PDE1C: variants seen among roughly 807,000 people sequenced by gnomAD.
PDE1C encodes dual specificity calcium/calmodulin-dependent 3',5'-cyclic nucleotide phosphodiesterase 1C.
PDE1C carries 62 observed loss-of-function variants against 93.1 expected under a neutral mutation model. The observed-to-expected ratio is 0.67, with a 90% CI of 0.54 to 0.82. The LOEUF is 0.82. Ranked by LOEUF, PDE1C falls within the 40% of genes least tolerant of loss-of-function variation. The pLI is 0.00. For synonymous variants in PDE1C, 325 were observed against 310.1 expected, an observed-to-expected ratio of 1.05 and a Z score of -0.50; for missense variants, 742 against 884.6, an observed-to-expected ratio of 0.84 and a Z score of 2.04.
At chr7:32,379,363 C>T (rs892253182) in intron 1 of PDE1C, among the ~76,000 whole-genome samples, 5 of 152,206 alleles carry the variant, frequency 3.3e-5, no homozygotes, top group Non-Finnish European at 7.3e-5. Flanking sequence ...TGGTTCCTTC[C>T]TACCACTCAA....
At chr7:31,951,073 T>C (rs1343090056) in intron 2 of PDE1C, among the ~76,000 whole-genome samples, 3 of 152,170 alleles carry the variant, frequency 2.0e-5, no homozygotes, top group Admixed American at 6.5e-5. Context: ...GCCTTTTCTC[T>C]TGCGTGTACA....
intron 3 of PDE1C, among the ~76,000 whole-genome samples, chr7:32,101,966 G>A (rs1798063047): frequency 6.6e-6 from 1 of 152,126 alleles, no homozygotes; most frequent in African/African-American, 2.4e-5. Flanking sequence ...GAGAAAGAGA[G>A]AGATACCAGG....
intron 16 of PDE1C, among the ~76,000 whole-genome samples, chr7:31,794,093 T>G (rs13244931): frequency 7.5e-6 from 1 of 132,878 alleles, no homozygotes; most frequent in East Asian, 2.4e-4. Flanking sequence ...GACAGACAGA[T>G]AGATAGACAG....
chr7:32,212,342 C>G (rs935510375), intron 1 of PDE1C, among the ~76,000 whole-genome samples: 1 of 152,142 alleles, frequency 6.6e-6, no homozygotes, highest in African/African-American at 2.4e-5. Context: ...GAATTGCTGA[C>G]CCAGATCCAA....
chr7:32,115,107 T>C (rs1798913142), intron 3 of PDE1C, among the ~76,000 whole-genome samples: 1 of 152,108 alleles, frequency 6.6e-6, no homozygotes, highest in Admixed American at 6.6e-5. Flanking sequence ...AGCAATCCCA[T>C]TACTGGGTAT....
At chr7:31,715,911 C>T in the PDE1C span, among the ~76,000 whole-genome samples, 1 of 152,166 alleles carries the variant, frequency 6.6e-6, no homozygotes, top group Non-Finnish European at 1.5e-5. Context: ...CCTGTGCCTA[C>T]TTGTGCATAG....
At chr7:32,240,326 G>A (rs549595680) in intron 1 of PDE1C, among the ~76,000 whole-genome samples, 10 of 152,246 alleles carry the variant, frequency 6.6e-5, no homozygotes, top group African/African-American at 9.6e-5. Flanking sequence ...TTAACTGAGG[G>A]CTTACTATAT....
At chr7:31,617,045 C>A in the PDE1C span, among the ~76,000 whole-genome samples, 3 of 152,212 alleles carry the variant, frequency 2.0e-5, no homozygotes, top group African/African-American at 7.2e-5. Flanking sequence ...CTAGGCACCA[C>A]AGCATGGTGG....
intron 2 of PDE1C, among the ~76,000 whole-genome samples, chr7:31,888,888 C>T (rs1583806149): frequency 6.6e-6 from 1 of 151,906 alleles, no homozygotes; most frequent in East Asian, 1.9e-4. Flanking sequence ...CAGCAATAAA[C>T]AATTAGAAAA....
At chr7:32,142,698 G>C (rs1015248771) in intron 3 of PDE1C, among the ~76,000 whole-genome samples, 1 of 152,132 alleles carries the variant, frequency 6.6e-6, no homozygotes, top group Non-Finnish European at 1.5e-5. Context: ...TGGAAGCTAA[G>C]GCCTCTGAGA....
At chr7:31,979,432 G>A (rs971382972) in intron 2 of PDE1C, among the ~76,000 whole-genome samples, 8 of 152,218 alleles carry the variant, frequency 5.3e-5, no homozygotes, top group Admixed American at 2.6e-4. Context: ...AATGTGCTAC[G>A]TACTACTCTA....
At chr7:32,244,363 A>G (rs2128871427) in intron 1 of PDE1C, among the ~76,000 whole-genome samples, 1 of 152,346 alleles carries the variant, frequency 6.6e-6, no homozygotes. Context: ...CATGCAGCCA[A>G]AATCACACAT....
intron 2 of PDE1C, among the ~76,000 whole-genome samples, chr7:32,184,585 T>G (rs1027255490): frequency 9.9e-5 from 15 of 151,912 alleles, no homozygotes; most frequent in African/African-American, 3.6e-4. Context: ...CACTCATAGG[T>G]GAGAATTGAA....
the PDE1C span, among the ~76,000 whole-genome samples, chr7:31,633,059 G>A: frequency 1.3e-5 from 2 of 151,908 alleles, no homozygotes; most frequent in East Asian, 3.9e-4. Context: ...GCTAATTTTT[G>A]TATTTTTAGT....
chr7:31,653,968 G>T, the PDE1C span, among the ~76,000 whole-genome samples: 1 of 151,042 alleles, frequency 6.6e-6, no homozygotes, highest in African/African-American at 2.4e-5. Flanking sequence ...CCTACTGTGT[G>T]CAGGCTACTA....
chr7:31,920,361 G>A (rs1035288831), intron 2 of PDE1C, among the ~76,000 whole-genome samples: 1 of 152,040 alleles, frequency 6.6e-6, no homozygotes. Flanking sequence ...CATCCATTCT[G>A]CTCCTGTCTC....
At chr7:32,028,779 C>T (rs929734833) in intron 2 of PDE1C, among the ~76,000 whole-genome samples, 3 of 152,126 alleles carry the variant, frequency 2.0e-5, no homozygotes, top group Admixed American at 1.3e-4. Context: ...ACTGTGCAAT[C>T]GATTTCAAAA....
chr7:32,420,679 AT>A (rs57339806), intron 1 of PDE1C, among the ~76,000 whole-genome samples: 15,058 of 151,636 alleles, frequency 0.099, 873 homozygotes, highest in African/African-American at 0.14. Context: ...AGTTATTTGT[AT>A]TTTTTTTAAT....
At chr7:32,186,828 A>G (rs1803918114) in intron 2 of PDE1C, among the ~76,000 whole-genome samples, 1 of 152,138 alleles carries the variant, frequency 6.6e-6, no homozygotes, top group Non-Finnish European at 1.5e-5. Flanking sequence ...AAAGAAAAGG[A>G]CCATATCTAG....
Sources: gnomAD v4.1 joint callset for allele counts (sites outside exome capture counted in the v4.1 genomes callset) on GRCh38, gnomAD v4.1.1 for gene constraint, MANE v1.5 for transcripts, NCBI Gene and HGNC (gene_info 2026-07-23, HGNC 2026-07-21) for gene names.